SSX2IP: variants seen among roughly 807,000 people sequenced by gnomAD.
SSX2IP encodes SSX family member 2 interacting protein, also known as afadin- and alpha-actinin-binding protein.
In SSX2IP, 55 loss-of-function variants were observed where a neutral mutation model predicts 84.9. That is an observed-to-expected ratio of 0.65 (90% confidence interval 0.52 to 0.81). SSX2IP has a LOEUF of 0.81. Among genes scored for constraint, SSX2IP ranks in the 30% least tolerant of loss-of-function variants. The pLI, the probability that SSX2IP is intolerant of heterozygous loss-of-function variation, is 0.00. For synonymous variants in SSX2IP, 239 were observed against 234.7 expected (o/e 1.02, Z -0.17); for missense variants, 664 against 705.2 (o/e 0.94, Z 0.66).
At chr1:84,686,584 G>A (rs983607320) in intron 1 of SSX2IP, among the ~76,000 whole-genome samples, 1 of 152,096 alleles carries the variant, frequency 6.6e-6, no homozygotes, top group African/African-American at 2.4e-5. Context: ...CAAGACATCC[G>A]AGCACATTTA....
At chr1:84,670,944 T>C (rs934934143) in intron 2 of SSX2IP, 129 bp from the exon 3 acceptor site, 4 of 806,816 alleles carry the variant, frequency 5.0e-6, no homozygotes, top group Non-Finnish European at 7.4e-6. Context: ...TACATACATA[T>C]TTTAAGGTAT....
chr1:84,659,940 G>C (rs1651690908), intron 8 of SSX2IP, among the ~76,000 whole-genome samples: 1 of 152,098 alleles, frequency 6.6e-6, no homozygotes, highest in Non-Finnish European at 1.5e-5. Context: ...TGAGGCCAAG[G>C]TGGGATGACT....
intron 1 of SSX2IP, among the ~76,000 whole-genome samples, chr1:84,681,301 T>C (rs560240467): frequency 7.9e-4 from 120 of 152,332 alleles, no homozygotes; most frequent in African/African-American, 2.7e-3. Flanking sequence ...AATCTTAATA[T>C]CCATCATGGA....
intron 12 of SSX2IP, among the ~76,000 whole-genome samples, chr1:84,650,941 G>A (rs922057509): frequency 1.2e-4 from 19 of 152,062 alleles, no homozygotes; most frequent in Non-Finnish European, 1.9e-4. Context: ...TCCTGACTTC[G>A]TGATCCACCT....
intron 11 of SSX2IP, among the ~76,000 whole-genome samples, chr1:84,653,285 T>C (rs1418037828): frequency 6.6e-6 from 1 of 152,194 alleles, no homozygotes; most frequent in Admixed American, 6.5e-5. Flanking sequence ...ACAGGACCTA[T>C]GACTTCATCA....
chr1:84,677,551 T>TA (rs917840000), intron 1 of SSX2IP, among the ~76,000 whole-genome samples: 2 of 152,152 alleles, frequency 1.3e-5, no homozygotes, highest in African/African-American at 4.8e-5. Flanking sequence ...GTTCCTTGAG[T>TA]ATGGGCTAGA....
intron 1 of SSX2IP, among the ~76,000 whole-genome samples, chr1:84,687,791 T>C (rs1655996320): frequency 6.6e-6 from 1 of 152,188 alleles, no homozygotes; most frequent in African/African-American, 2.4e-5. Flanking sequence ...CTGGTCAATG[T>C]TCACAGCACT....
Position 84,670,811 on chromosome 1 carries a change from G to T in SSX2IP, c.48C>A (p.Ser16Arg). The T allele has an allele frequency of 6.2e-7, 1 of 1,601,774 alleles. No individual in the cohort carries two copies. The highest frequency in any genetic ancestry group is 8.5e-7 in the Non-Finnish European group (1 of 1,175,244). Reference sequence around the variant, plus strand: ...CTGAGGTATATTGAGAGATAGTTTTGCTTTCTGAAAGAATAAAAGGCATCT... The same window carrying T: ...CTGAGGTATATTGAGAGATAGTTTTTCTTTCTGAAAGAATAAAAGGCATCT... The part of the protein sequence containing the change: ...TVTDPGLSSE[S>R]KTISQYTSET... Residue 16 changes from serine (S) to arginine (R), a missense_variant, in exon 3 of 14, where the codon AGC becomes AGA. Physicochemically the swap from Ser to Arg is moderately radical, Grantham distance 110. Coordinates refer to ENST00000342203, the MANE Select transcript of SSX2IP (RefSeq NM_001166293.2).
Position 84,655,970 on chromosome 1 carries a change from A to G in SSX2IP, c.1251T>C (p.Thr417=), listed in dbSNP as rs1193471491. ...ACAAATAACAGTCTCGTAATAGTGA[A>G]GTGGTATCATCATCATATGCAGTAG... is the stretch of plus-strand genomic sequence containing the variant. The part of the protein sequence containing the change: ...QLATAYDDDT[T]SLLRDCYLLE... The change falls in exon 11 of 14, where the codon ACT becomes ACC. Residue 417 remains threonine, a synonymous_variant. Coordinates refer to ENST00000342203, the MANE Select transcript of SSX2IP (RefSeq NM_001166293.2). 1 of 1,613,534 alleles carries G rather than the reference A, an allele frequency of 6.2e-7. No homozygotes were observed. The highest frequency in any genetic ancestry group is 1.1e-5 in the South Asian group (1 of 91,050).
chr1:84,689,574 T>C (rs74098442), intron 1 of SSX2IP, among the ~76,000 whole-genome samples: 3,919 of 152,316 alleles, frequency 0.026, 167 homozygotes, highest in African/African-American at 0.089. Flanking sequence ...CAGTTTGGCA[T>C]TTACAACTAT....
At position 84,664,906 on chromosome 1, in the gene SSX2IP, C is replaced by G. The variant is rs149457000; in HGVS notation, c.538-354G>C. Among the ~76,000 whole-genome samples the G allele has an allele frequency of 1.8e-3, 278 of 152,236 alleles. 2 individuals are homozygous for G. The highest frequency in any genetic ancestry group is 6.4e-3 in the African/African-American group (264 of 41,550). Reference sequence around the variant, plus strand: ...TTTAGTGAACTCCTTGTATTACTGACTTACAATCACTTATACTTTTTATTA... The same window carrying G: ...TTTAGTGAACTCCTTGTATTACTGAGTTACAATCACTTATACTTTTTATTA... On this transcript the variant is annotated intron_variant, in intron 5 of 13. Transcript: ENST00000342203.
chr1:84,664,323 T>C (rs1467303586), intron 6 of SSX2IP, 94 bp downstream of exon 6: 1 of 1,218,924 alleles, frequency 8.2e-7, no homozygotes, highest in East Asian at 2.8e-5. Context: ...GAAAATAACA[T>C]TTCGTGAGTT....
At chr1:84,655,692 A>T in intron 11 of SSX2IP, 140 bp downstream of exon 11, 1 of 1,423,420 alleles carries the variant, frequency 7.0e-7, no homozygotes. Flanking sequence ...CCTCCCTCTC[A>T]TTTCAAATTA....
intron 6 of SSX2IP, among the ~76,000 whole-genome samples, chr1:84,663,473 TAA>T (rs1205128747): frequency 1.3e-5 from 2 of 152,238 alleles, no homozygotes; most frequent in African/African-American, 4.8e-5. Context: ...TCAGGATACC[TAA>T]AGATTTCCAA....
intron 1 of SSX2IP, among the ~76,000 whole-genome samples, chr1:84,681,213 T>C (rs896531266): frequency 9.2e-5 from 14 of 152,214 alleles, no homozygotes; most frequent in African/African-American, 3.4e-4. Flanking sequence ...CTTCTAGGCA[T>C]ATAAGAGAGC....
chr1:84,648,768 T>C (rs1219812441), intron 13 of SSX2IP, among the ~76,000 whole-genome samples: 1 of 152,222 alleles, frequency 6.6e-6, no homozygotes, highest in Non-Finnish European at 1.5e-5. Context: ...AAGAAAATAC[T>C]ATAAGCTTAC....
At chr1:84,670,020 C>G in intron 3 of SSX2IP, 127 bp from the exon 4 acceptor site, 1 of 637,154 alleles carries the variant, frequency 1.6e-6, no homozygotes, top group Non-Finnish European at 2.7e-6. Flanking sequence ...GTGACCTCAG[C>G]TAATAACTAC....
intron 2 of SSX2IP, 99 bp from the exon 3 acceptor site, chr1:84,670,914 A>G: frequency 1.1e-6 from 1 of 870,920 alleles, no homozygotes; most frequent in Admixed American, 2.7e-5. Context: ...ATATATACAT[A>G]TAAACATAGA....
chr1:84,658,029 G>T (rs1016482621), intron 9 of SSX2IP, among the ~76,000 whole-genome samples: 1 of 152,098 alleles, frequency 6.6e-6, no homozygotes, highest in Non-Finnish European at 1.5e-5. Flanking sequence ...TAGCTGCTCA[G>T]CAGGCTGAGG....
Sources: allele counts gnomAD v4.1 joint callset (sites outside exome capture counted in the v4.1 genomes callset), GRCh38; gene constraint gnomAD v4.1.1; transcripts MANE v1.5; gene names NCBI Gene and HGNC (gene_info 2026-07-23, HGNC 2026-07-21).